Variants in BNC2 observed in about 807,000 individuals in gnomAD.
The protein encoded by BNC2 is zinc finger protein basonuclin-2.
BNC2 carries 20 observed loss-of-function variants against 76.3 expected under a neutral mutation model. The ratio of observed to expected loss-of-function variants is 0.26; its 90% CI spans 0.18 to 0.38. The LOEUF (loss-of-function observed/expected upper bound fraction) is 0.38. Among genes scored for constraint, BNC2 ranks in the 10% least tolerant of loss-of-function variants. The probability of loss-of-function intolerance (pLI) is 1.00; values close to 1 mark genes in which losing one functional copy is unlikely to be tolerated. For synonymous variants in BNC2, 582 were observed against 514.8 expected, an observed-to-expected ratio of 1.13 and a Z score of -1.77; for missense variants, 1,382 against 1,399.8, an observed-to-expected ratio of 0.99 and a Z score of 0.20.
intron 3 of BNC2, among the ~76,000 whole-genome samples, chr9:16,703,666 A>T (rs1823579658): frequency 6.6e-6 from 1 of 152,156 alleles, no homozygotes. Context: ...AGTCAGATTA[A>T]ACTCAGGGGT....
At chr9:16,483,856 T>C (rs1822108660) in intron 5 of BNC2, among the ~76,000 whole-genome samples, 2 of 152,128 alleles carry the variant, frequency 1.3e-5, no homozygotes. Flanking sequence ...GGCTTCTAAG[T>C]ACTCATCTTC....
chr9:16,779,053 T>C (rs896777248), intron 1 of BNC2, among the ~76,000 whole-genome samples: 1 of 148,152 alleles, frequency 6.7e-6, no homozygotes, highest in Non-Finnish European at 1.5e-5. Flanking sequence ...CCAAGGATGG[T>C]TGATTGCTTG....
intron 3 of BNC2, among the ~76,000 whole-genome samples, chr9:16,615,456 G>A (rs1217659882): frequency 6.6e-6 from 1 of 152,130 alleles, no homozygotes; most frequent in African/African-American, 2.4e-5. Context: ...TCATGTGAGA[G>A]GTGCCCTTCC....
At chr9:16,848,841 C>CA (rs1819055574) in intron 1 of BNC2, among the ~76,000 whole-genome samples, 1 of 152,184 alleles carries the variant, frequency 6.6e-6, no homozygotes, top group African/African-American at 2.4e-5. Context: ...CCACACCTGA[C>CA]ACCATTGCTT....
At chr9:16,655,395 C>T (rs1396964690) in intron 3 of BNC2, among the ~76,000 whole-genome samples, 1 of 152,146 alleles carries the variant, frequency 6.6e-6, no homozygotes, top group Non-Finnish European at 1.5e-5. Context: ...CACCTGCAGG[C>T]CGCATCTGCC....
chr9:16,446,295 CA>C (rs548251851), intron 5 of BNC2, among the ~76,000 whole-genome samples: 2 of 150,142 alleles, frequency 1.3e-5, no homozygotes, highest in African/African-American at 2.4e-5. Context: ...AAACTACTAG[CA>C]AAAAAAAAGT....
Position 16,844,969 on chromosome 9 carries a change from A to T in BNC2, c.3+25677T>A, listed in dbSNP as rs150476568. ...CCCCCCAGTTGAGTCATTTGTGACA[A>T]ACAAAACATCGCCCAAGATTTCCAA... is the stretch of plus-strand genomic sequence containing the variant. On this transcript the variant is annotated intron_variant, in intron 1 of 6. Coordinates refer to ENST00000380672, the MANE Select transcript of BNC2 (RefSeq NM_017637.6). 3.0e-4 allele frequency among the ~76,000 whole-genome samples: 45 copies of T among 152,288 alleles called. 1 individual carries two copies. The highest frequency in any genetic ancestry group is 1.3e-3 in the Admixed American group (20 of 15,294).
At chr9:16,747,739 G>A (rs1825053364) in intron 1 of BNC2, among the ~76,000 whole-genome samples, 1 of 152,144 alleles carries the variant, frequency 6.6e-6, no homozygotes, top group Non-Finnish European at 1.5e-5. Context: ...TTTTAAGCAG[G>A]ACATATCTTT....
intron 5 of BNC2, among the ~76,000 whole-genome samples, chr9:16,460,017 G>C (rs1385529401): frequency 1.3e-5 from 2 of 152,054 alleles, no homozygotes; most frequent in African/African-American, 4.8e-5. Context: ...GTAATTTTTT[G>C]TTTGCCCTAA....
rs1367072356 is a variant in BNC2, at chr9:16,822,163, C to G, written c.3+48483G>C. Reference sequence around the variant, plus strand: ...CCCGTAATCCCAGCTACTCAGGAAGCTGAGGCAGGAGAATTGTTTGAGCCT... The same window carrying G: ...CCCGTAATCCCAGCTACTCAGGAAGGTGAGGCAGGAGAATTGTTTGAGCCT... On this transcript the variant is annotated intron_variant, in intron 1 of 6. Coordinates refer to ENST00000380672, the MANE Select transcript of BNC2 (RefSeq NM_017637.6). Among the ~76,000 whole-genome samples the G allele has an allele frequency of 2.0e-5, 3 of 149,116 alleles. No individual in the cohort carries two copies. In the East Asian group the frequency reaches 6.0e-4, roughly 30 times the overall value.
chr9:16,751,621 T>C (rs1349764491), intron 1 of BNC2, among the ~76,000 whole-genome samples: 577 of 39,650 alleles, frequency 0.015, 2 homozygotes, highest in African/African-American at 0.037. Flanking sequence ...TATATGTGTA[T>C]ATATATATGT....
intron 5 of BNC2, among the ~76,000 whole-genome samples, chr9:16,459,013 G>A (rs1282601815): frequency 6.6e-6 from 1 of 152,152 alleles, no homozygotes; most frequent in East Asian, 1.9e-4. Flanking sequence ...CCTTCACAAG[G>A]GTGAAGCAAG....
intron 5 of BNC2, among the ~76,000 whole-genome samples, chr9:16,521,795 A>AG (rs1191961719): frequency 2.0e-5 from 3 of 152,166 alleles, no homozygotes; most frequent in Non-Finnish European, 2.9e-5. Context: ...AATGGAGCAG[A>AG]GGGGGGTGTA....
At chr9:16,504,982 G>A (rs940917178) in intron 5 of BNC2, among the ~76,000 whole-genome samples, 1 of 152,232 alleles carries the variant, frequency 6.6e-6, no homozygotes, top group Non-Finnish European at 1.5e-5. Flanking sequence ...GTAGGTAAAA[G>A]AGAAGACTAT....
In BNC2 at chr9:16,435,685, C is replaced by A. The variant is rs532571959; in HGVS notation, c.2509G>T (p.Val837Leu). The change falls in exon 6 of 7, where the codon GTG becomes TTG. Residue 837 changes from valine (V) to leucine (L), a missense_variant. By Grantham distance (32) the Val-to-Leu change is conservative. This residue lies in a region of BNC2 where 798 missense variants were observed against 775.5 expected (regional missense o/e 1.03). Transcript: ENST00000380672. ...CSSPDPKICY[V>L]CKKSFKSSYS... ...GAGCTTTTGAAACTCTTCTTGCACACATAACAGATTTTGGGGTCTGGGCTA... is the reference window on the plus strand; with the variant it reads ...GAGCTTTTGAAACTCTTCTTGCACAAATAACAGATTTTGGGGTCTGGGCTA... 1 of 1,614,120 alleles carries A rather than the reference C, an allele frequency of 6.2e-7. No homozygotes were observed. Among genetic ancestry groups the A allele is most frequent in the Non-Finnish European group, 8.5e-7 (1 of 1,180,026 alleles).
intron 5 of BNC2, among the ~76,000 whole-genome samples, chr9:16,520,970 T>G (rs1017529412): frequency 2.6e-5 from 4 of 152,130 alleles, no homozygotes; most frequent in African/African-American, 9.7e-5. Context: ...ATATTAGTAT[T>G]TTACTCCAGC....
chr9:16,720,868 C>T (rs922542709), intron 3 of BNC2, among the ~76,000 whole-genome samples: 1 of 152,214 alleles, frequency 6.6e-6, no homozygotes, highest in African/African-American at 2.4e-5. Context: ...GCATGAAATG[C>T]TACATACAGC....
chr9:16,722,621 T>C (rs982801339), intron 3 of BNC2, among the ~76,000 whole-genome samples: 4 of 152,176 alleles, frequency 2.6e-5, no homozygotes, highest in South Asian at 4.1e-4. Context: ...GTGAGAAAAT[T>C]AAATAATTTC....
intron 3 of BNC2, among the ~76,000 whole-genome samples, chr9:16,589,755 G>A (rs896332532): frequency 9.9e-5 from 15 of 151,926 alleles, no homozygotes; most frequent in South Asian, 4.2e-4. Flanking sequence ...TGATCCACCC[G>A]CCTCGGCCTC....
Sources: allele counts gnomAD v4.1 joint callset (sites outside exome capture counted in the v4.1 genomes callset), GRCh38; gene constraint gnomAD v4.1.1; regional missense constraint gnomAD v4.1.1; transcripts MANE v1.5; gene names NCBI Gene and HGNC (gene_info 2026-07-23, HGNC 2026-07-21).